PNPT1: variants seen among roughly 807,000 people sequenced by gnomAD.
PNPT1 encodes polyribonucleotide nucleotidyltransferase 1, also known as polyribonucleotide nucleotidyltransferase 1, mitochondrial.
Under a neutral mutation model 119.5 loss-of-function variants are expected in PNPT1, and 53 were observed. The ratio of observed to expected loss-of-function variants is 0.44; its 90% confidence interval spans 0.36 to 0.56. The LOEUF (loss-of-function observed/expected upper bound fraction) is 0.56, where lower values mean the gene tolerates loss of function less well. Ranked by LOEUF, PNPT1 falls within the 20% of genes least tolerant of loss-of-function variation. PNPT1 has a pLI of 0.00. For missense variants in PNPT1, 948 were observed against 938.5 expected (o/e 1.01, Z -0.13); for synonymous variants, 357 against 322.1 (o/e 1.11, Z -1.16).
intron 20 of PNPT1, 40 bp from the exon 21 acceptor site, chr2:55,646,362 C>T: frequency 6.3e-7 from 1 of 1,597,128 alleles, no homozygotes; most frequent in Non-Finnish European, 8.6e-7. Context: ...AATATTGACT[C>T]ATGGCATTAT....
intron 15 of PNPT1, among the ~76,000 whole-genome samples, chr2:55,657,675 C>T (rs551003593): frequency 1.3e-5 from 2 of 151,300 alleles, no homozygotes; most frequent in East Asian, 3.9e-4. Context: ...CATGAGCCAC[C>T]GCTCTTAAAT....
At chr2:55,662,843 T>C (rs1206365865) in intron 13 of PNPT1, among the ~76,000 whole-genome samples, 1 of 151,866 alleles carries the variant, frequency 6.6e-6, no homozygotes, top group African/African-American at 2.4e-5. Context: ...GGAGGCTGAT[T>C]CTGAGTTGAT....
chr2:55,661,896 G>C, intron 14 of PNPT1, 60 bp downstream of exon 14: 1 of 1,381,712 alleles, frequency 7.2e-7, no homozygotes, highest in Non-Finnish European at 9.6e-7. Context: ...TACCACATAA[G>C]CTTTAATTAT....
At position 55,643,163 on chromosome 2, in the gene PNPT1, T is replaced by G; in HGVS notation, c.2064A>C (p.Glu688Asp). The G allele has an allele frequency of 6.2e-7, 1 of 1,614,132 alleles. No individual in the cohort carries two copies. The highest frequency in any genetic ancestry group is 8.5e-7 in the Non-Finnish European group (1 of 1,179,974). ...AGTATATTACTTGATATTACCTGAT[T>G]TCAGTTATTGTGGCGGTATATACTG... ...FGAVYTATIT[E>D]IRDTGVMVKL... Residue 688 changes from glutamate to aspartate, a missense_variant, in exon 25 of 28, where the codon GAA (glutamate) becomes GAC (aspartate). Physicochemically the swap from Glu to Asp is conservative, Grantham distance 45. Coordinates refer to ENST00000447944, the MANE Select transcript of PNPT1 (RefSeq NM_033109.5).
At position 55,681,801 on chromosome 2, in the gene PNPT1, G is replaced by A. The variant is rs529445949; in HGVS notation, c.454-883C>T. Among the ~76,000 whole-genome samples the A allele has an allele frequency of 2.9e-5, 4 of 140,136 alleles. No individual in the cohort carries two copies. In the South Asian group the frequency reaches 6.7e-4, roughly 24 times the overall value. The allele number at this position is 140,136 out of a possible 152,430, so 91.9% of individuals were successfully genotyped here. Reference sequence around the variant, plus strand: ...AGAGGTTTCAGTGAGCTGAGATCGCGCCATTGGTCTCCAGCCTGGGCAACA... The same window carrying A: ...AGAGGTTTCAGTGAGCTGAGATCGCACCATTGGTCTCCAGCCTGGGCAACA... On this transcript the variant is annotated intron_variant, in intron 5 of 27. Coordinates refer to ENST00000447944, the MANE Select transcript of PNPT1 (RefSeq NM_033109.5).
In PNPT1 at chr2:55,654,930, A is replaced by G; in HGVS notation, c.1465T>C (p.Cys489Arg). The G allele has an allele frequency of 1.2e-6, 2 of 1,613,624 alleles. No homozygotes were observed. Among genetic ancestry groups the G allele is most frequent in the Non-Finnish European group, 1.7e-6 (2 of 1,179,744 alleles). ...SNGSSSMASACGGSLALMDSG... is the reference protein window; with the variant it reads ...SNGSSSMASARGGSLALMDSG... ...TCCATTAATGCTAAACTTCCGCCAC[A>G]TGCAGATGCCATAGAAGATGACCCT... The change falls in exon 18 of 28, where the codon TGT becomes CGT. Residue 489 changes from cysteine (C) to arginine (R), a missense_variant. By Grantham distance (180) the Cys-to-Arg change is radical (BLOSUM62 -3). Coordinates refer to ENST00000447944, the MANE Select transcript of PNPT1 (RefSeq NM_033109.5).
chr2:55,653,539 G>C (rs924523522), intron 18 of PNPT1, among the ~76,000 whole-genome samples: 3 of 152,236 alleles, frequency 2.0e-5, no homozygotes, highest in African/African-American at 7.2e-5. Context: ...TGAAGTCTAA[G>C]ACTGTTTTGT....
Position 55,640,600 on chromosome 2 carries a change from TAATAAC to T in PNPT1, c.2148+21_2148+26del, listed in dbSNP as rs769510877. 12 of 1,523,424 alleles carry T rather than the reference TAATAAC, an allele frequency of 7.9e-6. No homozygotes were observed. In the African/African-American group the frequency reaches 1.4e-4, roughly 17 times the overall value. 94.4% of individuals were successfully genotyped at this position (1,523,424 alleles called of 1,614,324 possible). On this transcript the variant is annotated intron_variant, in intron 26 of 27. Coordinates refer to ENST00000447944, the MANE Select transcript of PNPT1 (RefSeq NM_033109.5). ...CAGTGTTTCAAGGCAGTTATAAAAA[TAATAAC>T]AATAACATCTGTCTTTTTACCTTTC...
chr2:55,685,425 G>A (rs1697375436), intron 3 of PNPT1, among the ~76,000 whole-genome samples: 2 of 152,244 alleles, frequency 1.3e-5, no homozygotes, highest in South Asian at 4.1e-4. Flanking sequence ...CTACTCAGAA[G>A]GCTGAGGTGG....
At chr2:55,638,462 C>T (rs535535835) in intron 26 of PNPT1, among the ~76,000 whole-genome samples, 28 of 152,128 alleles carry the variant, frequency 1.8e-4, no homozygotes, top group South Asian at 6.2e-4. Context: ...GACTGGGCAA[C>T]GTGAAGAAAC....
chr2:55,665,461 A>G (rs1242355682), intron 13 of PNPT1, among the ~76,000 whole-genome samples: 1 of 152,228 alleles, frequency 6.6e-6, no homozygotes, highest in Non-Finnish European at 1.5e-5. Flanking sequence ...GGAGACATAT[A>G]TATATAAAGT....
At chr2:55,682,456 G>C (rs1265491426) in intron 5 of PNPT1, among the ~76,000 whole-genome samples, 1 of 151,072 alleles carries the variant, frequency 6.6e-6, no homozygotes, top group Non-Finnish European at 1.5e-5. Flanking sequence ...GGGAGACTCT[G>C]TCTCAAAAAA....
chr2:55,638,473 C>T (rs1028638888), intron 26 of PNPT1, among the ~76,000 whole-genome samples: 2 of 151,944 alleles, frequency 1.3e-5, no homozygotes, highest in African/African-American at 4.8e-5. Context: ...GTGAAGAAAC[C>T]CCATCTCTAC....
At chr2:55,661,150 C>A (rs931765857) in intron 14 of PNPT1, among the ~76,000 whole-genome samples, 1 of 136,328 alleles carries the variant, frequency 7.3e-6, no homozygotes, top group African/African-American at 2.8e-5. Context: ...CAGGCTGGAG[C>A]GCAGTGGTGT....
At chr2:55,680,785 C>T (rs770996411) in intron 6 of PNPT1, 26 bp from the exon 7 acceptor site, 16 of 1,612,568 alleles carry the variant, frequency 9.9e-6, no homozygotes, top group Admixed American at 3.3e-5. Context: ...AAATCAGGGC[C>T]GAAATTAAAA....
intron 19 of PNPT1, among the ~76,000 whole-genome samples, chr2:55,647,045 C>G (rs1696026863): frequency 6.6e-6 from 1 of 152,068 alleles, no homozygotes; most frequent in South Asian, 2.1e-4. Context: ...CCACATTAGC[C>G]AGACTGGTCT....
chr2:55,684,736 G>A (rs1256943566), intron 4 of PNPT1, among the ~76,000 whole-genome samples: 2 of 152,324 alleles, frequency 1.3e-5, no homozygotes, highest in Admixed American at 1.3e-4. Context: ...AGTATAACAG[G>A]TACTAGGGAT....
chr2:55,662,323 G>A (rs1194879210), intron 13 of PNPT1, among the ~76,000 whole-genome samples: 1 of 152,158 alleles, frequency 6.6e-6, no homozygotes, highest in African/African-American at 2.4e-5. Flanking sequence ...AACTATGTAG[G>A]AGAGTACGCT....
In PNPT1 at chr2:55,643,217, T is replaced by A. The variant is rs770626405; in HGVS notation, c.2014-4A>T. The A allele has an allele frequency of 2.5e-6, 4 of 1,614,108 alleles. No homozygotes were observed. The highest frequency in any genetic ancestry group is 8.5e-7 in the Non-Finnish European group (1 of 1,180,058). ...CAAATTCTAATTGCTGCTCCTGCTG[T>A]AAGTGCAAAATAAGCCATAAGATTC... On this transcript the variant is annotated splice_region_variant and splice_polypyrimidine_tract_variant and intron_variant, in intron 24 of 27. Coordinates refer to ENST00000447944, the MANE Select transcript of PNPT1 (RefSeq NM_033109.5).
Sources: allele counts gnomAD v4.1 joint callset (sites outside exome capture counted in the v4.1 genomes callset), GRCh38; gene constraint gnomAD v4.1.1; transcripts MANE v1.5; gene names NCBI Gene and HGNC (gene_info 2026-07-23, HGNC 2026-07-21).